The following COL13A1 variants were observed in gnomAD, a reference collection of about 807,000 sequenced individuals.
The protein encoded by COL13A1 is collagen alpha-1(XIII) chain.
In COL13A1, 89 loss-of-function variants were observed where a neutral mutation model predicts 130.9. The observed-to-expected ratio is 0.68, with a 90% CI of 0.57 to 0.81. The LOEUF (loss-of-function observed/expected upper bound fraction) is 0.81. COL13A1 is among the 30% of genes least tolerant of loss of function. The pLI is 0.00. For missense variants in COL13A1, 879 were observed against 934.6 expected (o/e 0.94, Z 0.78); for synonymous variants, 402 against 341.6 (o/e 1.18, Z -1.95).
chr10:69,937,731 C>G lies in COL13A1; in HGVS notation c.1878+16C>G, dbSNP rs1395440390. 7.9e-7 allele frequency: 1 copy of G among 1,260,388 alleles called. No homozygotes were observed. The allele number at this position is 1,260,388 out of a possible 1,614,324, so 78.1% of individuals were successfully genotyped here. On this transcript the variant is annotated intron_variant, in intron 34 of 40. Transcript: ENST00000645393. ...GGGACTACCCGTAAGTACCTTGGAC[C>G]CAGCAAGACTGGTGGGTTTGATGGG...
intron 39 of COL13A1, chr10:69,953,861 G>A (rs1458075781): frequency 2.0e-5 from 3 of 152,772 alleles, no homozygotes; most frequent in African/African-American, 7.2e-5. Context: ...CTGCATCCTG[G>A]CCAGGGTAGG....
intron 39 of COL13A1, chr10:69,956,528 GTCC>G (rs936783111): frequency 3.5e-5 from 6 of 171,280 alleles, no homozygotes; most frequent in African/African-American, 1.2e-4. Flanking sequence ...CTGTCTACAT[GTCC>G]TCCTCCCTGT....
intron 2 of COL13A1, among the ~76,000 whole-genome samples, chr10:69,830,871 A>G (rs994686329): frequency 3.3e-5 from 5 of 152,150 alleles, no homozygotes; most frequent in Admixed American, 2.0e-4. Flanking sequence ...AAGAAACCCC[A>G]TTCCTTTTGG....
intron 2 of COL13A1, among the ~76,000 whole-genome samples, chr10:69,856,192 G>A (rs1411544191): frequency 6.6e-6 from 1 of 152,178 alleles, no homozygotes; most frequent in African/African-American, 2.4e-5. Flanking sequence ...AGAAGATTTT[G>A]CAGAAAATAT....
At chr10:69,945,219 G>A (rs763968832) in intron 36 of COL13A1, among the ~76,000 whole-genome samples, 1 of 152,270 alleles carries the variant, frequency 6.6e-6, no homozygotes, top group Non-Finnish European at 1.5e-5. Context: ...TCTGTCTCAG[G>A]TGGGGAGGGC....
chr10:69,853,570 C>T (rs1160840712), intron 2 of COL13A1, among the ~76,000 whole-genome samples: 1 of 152,022 alleles, frequency 6.6e-6, no homozygotes, highest in Non-Finnish European at 1.5e-5. Context: ...TTCACACAGG[C>T]TCCCTCCCTT....
chr10:69,855,399 A>G (rs1386443471), intron 2 of COL13A1, among the ~76,000 whole-genome samples: 1 of 152,200 alleles, frequency 6.6e-6, no homozygotes, highest in African/African-American at 2.4e-5. Context: ...GGATTCATTG[A>G]GAGACAGGGA....
chr10:69,842,794 C>T (rs141730090), intron 2 of COL13A1, among the ~76,000 whole-genome samples: 1 of 152,306 alleles, frequency 6.6e-6, no homozygotes, highest in East Asian at 1.9e-4. Context: ...AGAGTTTGCT[C>T]CTTTGAGGAG....
chr10:69,948,695 CCTT>C (rs2068917455), intron 38 of COL13A1, among the ~76,000 whole-genome samples: 1 of 152,326 alleles, frequency 6.6e-6, no homozygotes, highest in South Asian at 2.1e-4. Flanking sequence ...TTCTAAACCT[CCTT>C]CTTCAGACTT....
Position 69,802,621 on chromosome 10 carries a change from C to G in COL13A1, c.198C>G (p.Ala66=). The G allele has an allele frequency of 3.1e-6, 5 of 1,613,194 alleles. No homozygotes were observed. The highest frequency in any genetic ancestry group is 2.7e-5 in the African/African-American group (2 of 74,988). The part of the protein sequence containing the change: ...ALSLLAHFRT[A]ELQARVLRLE... ...GCCTGCTCGCCCACTTTCGGACGGC[C>G]GAGCTGCAGGCCCGGGTGCTGCGCC... Residue 66 remains alanine, a synonymous_variant, in exon 1 of 41, where the codon GCC becomes GCG. Coordinates refer to ENST00000645393, the MANE Select transcript of COL13A1 (RefSeq NM_001368882.1).
chr10:69,892,681 G>A lies in COL13A1; in HGVS notation c.604-1871G>A, dbSNP rs566919403. ...GGCAAGTGCTAAGCACATCACCGGT[G>A]GCCATGGCCCTTAAAGGGGCAGGTG... is the stretch of plus-strand genomic sequence containing the variant. On this transcript the variant is annotated intron_variant, in intron 10 of 40. Transcript: ENST00000645393. Among the ~76,000 whole-genome samples, 6 of 152,304 alleles carry A rather than the reference G, an allele frequency of 3.9e-5. No homozygotes were observed. The South Asian group carries it at 1.0e-3, about 26-fold the overall frequency.
rs1374043758 is a variant in COL13A1, at chr10:69,802,441, C to T, written c.18C>T (p.Thr6=). The T allele has an allele frequency of 1.3e-6, 2 of 1,502,028 alleles. No homozygotes were observed. Among genetic ancestry groups the T allele is most frequent in the Non-Finnish European group, 1.8e-6 (2 of 1,131,116 alleles). The allele number at this position is 1,502,028 out of a possible 1,614,324, so 93.0% of individuals were successfully genotyped here. The change falls in exon 1 of 41, where the codon ACC becomes ACT. Residue 6 remains threonine, a synonymous_variant. Transcript: ENST00000645393. MVAER[T]HKAAATGARG... ...GCGAGAGGATGGTAGCGGAGCGCAC[C>T]CACAAAGCGGCAGCCACCGGTGCCC...
chr10:69,835,318 T>C (rs1387955396), intron 2 of COL13A1, among the ~76,000 whole-genome samples: 2 of 152,064 alleles, frequency 1.3e-5, no homozygotes, highest in African/African-American at 4.8e-5. Context: ...GACCTCTGCT[T>C]GGGCAGTTAT....
chr10:69,880,825 C>T (rs1290975401), intron 7 of COL13A1, among the ~76,000 whole-genome samples: 2 of 152,338 alleles, frequency 1.3e-5, no homozygotes, highest in African/African-American at 4.8e-5. Context: ...GCAAGGCGGC[C>T]CTGCTGTTTA....
intron 2 of COL13A1, among the ~76,000 whole-genome samples, chr10:69,854,348 T>C (rs542465084): frequency 1.3e-5 from 2 of 152,276 alleles, no homozygotes; most frequent in Admixed American, 1.3e-4. Flanking sequence ...GGTAGATCGC[T>C]GGAGTTCAGG....
intron 2 of COL13A1, among the ~76,000 whole-genome samples, chr10:69,864,521 C>T (rs950216213): frequency 6.6e-6 from 1 of 152,088 alleles, no homozygotes; most frequent in Non-Finnish European, 1.5e-5. Flanking sequence ...ATAATAAATG[C>T]TTAAAAAAAT....
Position 69,924,960 on chromosome 10 carries a change from CA to C in COL13A1, c.1285-2del, listed in dbSNP as rs1209363094. The C allele has an allele frequency of 1.9e-6, 3 of 1,588,568 alleles. No homozygotes were observed. Among genetic ancestry groups the C allele is most frequent in the Non-Finnish European group, 2.6e-6 (3 of 1,167,990 alleles). On this transcript the variant is annotated splice_acceptor_variant, in intron 24 of 40. Transcript: ENST00000645393. LOFTEE classifies it high-confidence loss of function. ...ACTTTGCTCCAATTTTGTCATGCAA[CA>C]GGGGGAGCGTGGAGCAGCTGGAGAA...
chr10:69,907,035 A>G (rs1310875509), intron 17 of COL13A1, among the ~76,000 whole-genome samples: 4 of 152,204 alleles, frequency 2.6e-5, no homozygotes, highest in Non-Finnish European at 2.9e-5. Context: ...AGTTATGGCC[A>G]TTTTTAATCT....
chr10:69,934,931 A>T (rs2066630980), intron 31 of COL13A1, among the ~76,000 whole-genome samples: 1 of 152,214 alleles, frequency 6.6e-6, no homozygotes, highest in African/African-American at 2.4e-5. Context: ...AGAGCGCTGG[A>T]TCAAAGACAA....
Sources: allele counts gnomAD v4.1 joint callset (sites outside exome capture counted in the v4.1 genomes callset), GRCh38; gene constraint gnomAD v4.1.1; transcripts MANE v1.5; gene names NCBI Gene and HGNC (gene_info 2026-07-23, HGNC 2026-07-21).